ACSL1: variants seen among roughly 807,000 people sequenced by gnomAD.
ACSL1 encodes the protein acyl-CoA synthetase long chain family member 1.
A neutral mutation model predicts 98.4 loss-of-function variants in ACSL1; 41 were observed. That is an observed-to-expected ratio of 0.42 (90% CI 0.32 to 0.54). The LOEUF is 0.54. ACSL1 is among the 20% of genes least tolerant of loss of function. The pLI is 0.13. For missense variants in ACSL1, 734 were observed against 883.1 expected (o/e 0.83, Z 2.14); for synonymous variants, 316 against 322.7 (o/e 0.98, Z 0.22).
At chr4:184,822,658 G>A (rs1303174189) in intron 1 of ACSL1, among the ~76,000 whole-genome samples, 2 of 151,994 alleles carry the variant, frequency 1.3e-5, no homozygotes, top group African/African-American at 4.8e-5. Context: ...AGGATCAACT[G>A]AGCCCAGGGA....
intron 18 of ACSL1, among the ~76,000 whole-genome samples, chr4:184,759,787 G>A (rs1489049201): frequency 6.6e-6 from 1 of 152,116 alleles, no homozygotes; most frequent in Non-Finnish European, 1.5e-5. Flanking sequence ...GATTCCTCAG[G>A]GATCTAGAAC....
rs1462977158 is a variant in ACSL1, at chr4:184,816,086, G to A, written c.-33+9830C>T. On this transcript the variant is annotated intron_variant, in intron 1 of 20. Coordinates refer to ENST00000281455, the MANE Select transcript of ACSL1 (RefSeq NM_001995.5). ...CAGTGAGCCAAGATGGCACCACTGC[G>A]CTCCAGCCTGGACAACAGAGACGCC... is the stretch of plus-strand genomic sequence containing the variant. Among the ~76,000 whole-genome samples, 4 of 151,558 alleles carry A rather than the reference G, an allele frequency of 2.6e-5. No individual in the cohort carries two copies. The East Asian group carries it at 5.8e-4, about 22-fold the overall frequency.
intron 2 of ACSL1, among the ~76,000 whole-genome samples, chr4:184,801,369 G>A (rs2150433757): frequency 6.6e-6 from 1 of 152,300 alleles, no homozygotes; most frequent in Non-Finnish European, 1.5e-5. Context: ...AGATGGGGGT[G>A]CAGAATGAGG....
At chr4:184,769,070 AAT>A (rs34360556) in intron 11 of ACSL1, among the ~76,000 whole-genome samples, 5,146 of 147,618 alleles carry the variant, frequency 0.035, 239 homozygotes, top group African/African-American at 0.1. Flanking sequence ...CTCTGTCTCA[AAT>A]ATATATATAT....
intron 1 of ACSL1, chr4:184,813,638 T>C (rs1195999150): frequency 3.2e-6 from 1 of 310,208 alleles, no homozygotes; most frequent in African/African-American, 2.2e-5. Flanking sequence ...GCACGGCCTG[T>C]TATTACGAAA....
chr4:184,824,218 T>C (rs1279853523), intron 1 of ACSL1, among the ~76,000 whole-genome samples: 1 of 152,174 alleles, frequency 6.6e-6, no homozygotes, highest in Non-Finnish European at 1.5e-5. Flanking sequence ...TTCTGCCTCC[T>C]GAGTTCAAGC....
intron 12 of ACSL1, chr4:184,767,908 C>T (rs185686452): frequency 4.2e-6 from 1 of 239,294 alleles, no homozygotes; most frequent in Non-Finnish European, 7.9e-6. Flanking sequence ...CATGTCCATG[C>T]AAGGAGCTTT....
At chr4:184,778,146 T>TA (rs749469375) in intron 5 of ACSL1, among the ~76,000 whole-genome samples, 19 of 152,236 alleles carry the variant, frequency 1.2e-4, no homozygotes, top group Non-Finnish European at 2.4e-4. Context: ...GCCACTGCCC[T>TA]ACCTACTGGA....
rs1369158305 is a variant in ACSL1 at position 184,780,440 on chromosome 4, T to C, written c.376-7A>G. The C allele has an allele frequency of 1.2e-6, 2 of 1,609,118 alleles. No individual in the cohort carries two copies. The highest frequency in any genetic ancestry group is 1.3e-5 in the African/African-American group (1 of 74,822). ...ACTCCGACAATTCTGCAACCTAAAA[T>C]GGAGAGGAAAAAGTCAGAAGCAGCA... On this transcript the variant is annotated splice_polypyrimidine_tract_variant and splice_region_variant and intron_variant, in intron 4 of 20. Transcript: ENST00000281455.
At position 184,757,628 on chromosome 4, in the gene ACSL1, G is replaced by A. The variant is rs778072246; in HGVS notation, c.1956+7C>T. ...CAGGAATTCACCCACTCAGATGAAG[G>A]TCATACCTGTTCAAATGGTTTCAGA... On this transcript the variant is annotated splice_region_variant and intron_variant, in intron 20 of 20. Coordinates refer to ENST00000281455, the MANE Select transcript of ACSL1 (RefSeq NM_001995.5). The surrounding 1 kb of genome is among the most constrained non-coding windows in gnomAD (Gnocchi z 4.5). 2 of 1,612,448 alleles carry A rather than the reference G, an allele frequency of 1.2e-6. No homozygotes were observed. Among genetic ancestry groups the A allele is most frequent in the South Asian group, 2.2e-5 (2 of 90,714 alleles).
At chr4:184,783,790 T>A (rs1766729084) in intron 4 of ACSL1, 137 bp downstream of exon 4, 1 of 774,346 alleles carries the variant, frequency 1.3e-6, no homozygotes, top group Non-Finnish European at 2.2e-6. Context: ...TCTCCTTGGA[T>A]GCCCCATGCT....
intron 15 of ACSL1, among the ~76,000 whole-genome samples, chr4:184,764,287 G>C (rs1012526228): frequency 5.9e-5 from 9 of 152,176 alleles, no homozygotes; most frequent in African/African-American, 1.7e-4. Flanking sequence ...ATCTCACAGG[G>C]ACACTGTTGG....
upstream of ACSL1, chr4:184,826,049 C>A (rs1361300613): frequency 6.8e-6 from 1 of 147,900 alleles, no homozygotes; most frequent in South Asian, 1.9e-4. Context: ...CCGCCACCGC[C>A]GCGGCTGAGC....
intron 12 of ACSL1, 161 bp downstream of exon 12, chr4:184,768,155 G>A: frequency 2.9e-6 from 2 of 700,784 alleles, no homozygotes; most frequent in Non-Finnish European, 2.2e-6. Context: ...ACTCTGAGAG[G>A]TAAACGCATT....
chr4:184,811,389 G>A (rs1348421413), intron 1 of ACSL1, among the ~76,000 whole-genome samples: 3 of 152,244 alleles, frequency 2.0e-5, no homozygotes, highest in Non-Finnish European at 2.9e-5. Flanking sequence ...TGGGATTACA[G>A]GTGTGAGCCA....
rs1769910759 is a variant in ACSL1 at position 184,798,764 on chromosome 4, G to A, written c.195+4556C>T. 4 of 152,352 alleles carry A rather than the reference G, an allele frequency of 2.6e-5. No individual in the cohort carries two copies. In the South Asian group the frequency reaches 6.2e-4, roughly 24 times the overall value. 9.4% of individuals were successfully genotyped at this position (152,352 alleles called of 1,614,324 possible). ...AGCACTGATTGTGATCACTGGAGGT[G>A]TAGCTGCAGACGGAGATAAGGTAGC... On this transcript the variant is annotated intron_variant, in intron 2 of 20. Transcript: ENST00000281455.
chr4:184,763,066 C>T, intron 16 of ACSL1, 101 bp downstream of exon 16: 1 of 1,224,220 alleles, frequency 8.2e-7, no homozygotes, highest in South Asian at 1.4e-5. Context: ...AAGTCAAGTT[C>T]AATGGCTTTA....
intron 11 of ACSL1, among the ~76,000 whole-genome samples, chr4:184,769,954 T>C (rs1764241523): frequency 6.6e-6 from 1 of 152,200 alleles, no homozygotes; most frequent in Non-Finnish European, 1.5e-5. Flanking sequence ...CAAGCCAACT[T>C]GTGCATTAGG....
intron 1 of ACSL1, among the ~76,000 whole-genome samples, chr4:184,820,254 T>A (rs1772958830): frequency 6.6e-6 from 1 of 152,208 alleles, no homozygotes; most frequent in Non-Finnish European, 1.5e-5. Context: ...CCTGACCTCA[T>A]GATCCGCCCA....
Sources: allele counts gnomAD v4.1 joint callset (sites outside exome capture counted in the v4.1 genomes callset), GRCh38; gene constraint gnomAD v4.1.1; non-coding constraint Gnocchi (gnomAD v3.1); transcripts MANE v1.5; gene names NCBI Gene and HGNC (gene_info 2026-07-23, HGNC 2026-07-21).